The following WWOX variants were observed in gnomAD, a reference collection of about 807,000 sequenced individuals.
WWOX encodes WW domain-containing oxidoreductase.
Under a neutral mutation model 46.2 loss-of-function variants are expected in WWOX, and 69 were observed. The ratio of observed to expected loss-of-function variants is 1.49; its 90% CI spans 1.23 to 1.82. The LOEUF (loss-of-function observed/expected upper bound fraction) is 1.82. WWOX is among the 40% of genes most tolerant of loss of function. The probability of loss-of-function intolerance (pLI) is 0.00; values close to 1 mark genes in which losing one functional copy is unlikely to be tolerated. For synonymous variants in WWOX, 359 were observed against 202.6 expected, an observed-to-expected ratio of 1.77 and a Z score of -6.56; for missense variants, 919 against 542.6, an observed-to-expected ratio of 1.69 and a Z score of -6.89.
intron 8 of WWOX, among the ~76,000 whole-genome samples, chr16:79,107,361 G>C (rs990310758): frequency 1.1e-4 from 16 of 152,092 alleles, no homozygotes; most frequent in African/African-American, 3.6e-4. Context: ...GTGCTGGGAT[G>C]ACAGGCACGA....
At chr16:78,516,122 C>T (rs1235150981) in intron 8 of WWOX, among the ~76,000 whole-genome samples, 5 of 152,108 alleles carry the variant, frequency 3.3e-5, no homozygotes, top group South Asian at 2.1e-4. Flanking sequence ...TAGTTCTTGG[C>T]GTGCCCCTTT....
Position 78,343,558 on chromosome 16 carries a change from T to A in WWOX, c.517-43302T>A, listed in dbSNP as rs560838876. Among the ~76,000 whole-genome samples the A allele has an allele frequency of 9.1e-5, 11 of 121,154 alleles. No homozygotes were observed. The East Asian group carries it at 1.9e-3, about 21-fold the overall frequency. The allele number at this position is 121,154 out of a possible 152,430, so 79.5% of individuals were successfully genotyped here. A position where few individuals can be genotyped will look rare whatever the true frequency, so the allele number is the denominator to read the frequency against. ...GGCACAGCCCCCCTTGAGTCTTCAT[T>A]ATGGCAAATCTAGTGCAGGTGCTGA... is the stretch of plus-strand genomic sequence containing the variant. On this transcript the variant is annotated intron_variant, in intron 5 of 8. Transcript: ENST00000566780.
At chr16:78,526,827 G>T (rs558404391) in intron 8 of WWOX, among the ~76,000 whole-genome samples, 1 of 152,170 alleles carries the variant, frequency 6.6e-6, no homozygotes, top group African/African-American at 2.4e-5. Flanking sequence ...CTTGAGGGGG[G>T]TCTGGGAGGG....
At chr16:78,892,526 G>A (rs1302254035) in intron 8 of WWOX, among the ~76,000 whole-genome samples, 1 of 152,198 alleles carries the variant, frequency 6.6e-6, no homozygotes, top group Non-Finnish European at 1.5e-5. Context: ...CAAGAAGTGG[G>A]AGCTGGACGA....
At chr16:78,858,619 G>A (rs2052626305) in intron 8 of WWOX, among the ~76,000 whole-genome samples, 1 of 152,000 alleles carries the variant, frequency 6.6e-6, no homozygotes, top group African/African-American at 2.4e-5. Flanking sequence ...AGAAGGCTTT[G>A]AGGAGGGAAT....
At chr16:78,804,418 A>G (rs1463604235) in intron 8 of WWOX, among the ~76,000 whole-genome samples, 4 of 143,194 alleles carry the variant, frequency 2.8e-5, no homozygotes, top group African/African-American at 7.6e-5. Flanking sequence ...CAGCCAAATT[A>G]AAAAAAAAAA....
At chr16:78,920,557 C>T (rs1041432838) in intron 8 of WWOX, among the ~76,000 whole-genome samples, 12 of 152,110 alleles carry the variant, frequency 7.9e-5, no homozygotes, top group Admixed American at 5.9e-4. Context: ...TTCCAAGTTC[C>T]CTGCCCTTGT....
chr16:78,909,244 C>T (rs1031666985), intron 8 of WWOX, among the ~76,000 whole-genome samples: 3 of 152,078 alleles, frequency 2.0e-5, no homozygotes, highest in Non-Finnish European at 2.9e-5. Context: ...CCTTGTGCCA[C>T]GTGATTATTT....
At chr16:78,610,087 C>A (rs1484735146) in intron 8 of WWOX, among the ~76,000 whole-genome samples, 2 of 151,632 alleles carry the variant, frequency 1.3e-5, no homozygotes, top group African/African-American at 4.8e-5. Flanking sequence ...AGCAAGGTTT[C>A]TTTGCTGGTC....
At chr16:79,176,157 T>G (rs1022545418) in intron 8 of WWOX, among the ~76,000 whole-genome samples, 11 of 152,150 alleles carry the variant, frequency 7.2e-5, no homozygotes, top group African/African-American at 2.4e-4. Flanking sequence ...CAGTAAGAAA[T>G]AGCCCCCAAA....
At chr16:78,157,291 T>C (rs1026078250) in intron 4 of WWOX, among the ~76,000 whole-genome samples, 1 of 152,154 alleles carries the variant, frequency 6.6e-6, no homozygotes, top group African/African-American at 2.4e-5. Context: ...GGCAGATCAG[T>C]CAGCAAGACT....
At chr16:78,847,499 T>C (rs575275756) in intron 8 of WWOX, among the ~76,000 whole-genome samples, 1 of 152,158 alleles carries the variant, frequency 6.6e-6, no homozygotes, top group Non-Finnish European at 1.5e-5. Flanking sequence ...CTTGTTTCTT[T>C]GTTTTTTTCT....
chr16:78,381,788 T>A (rs1181223756), intron 5 of WWOX, among the ~76,000 whole-genome samples: 1 of 152,100 alleles, frequency 6.6e-6, no homozygotes, highest in African/African-American at 2.4e-5. Context: ...GGTGGGAAGA[T>A]AAATGGATAG....
chr16:78,997,887 T>C (rs1426933275), intron 8 of WWOX, among the ~76,000 whole-genome samples: 2 of 152,126 alleles, frequency 1.3e-5, no homozygotes, highest in Admixed American at 6.6e-5. Flanking sequence ...ATTCTTTCTT[T>C]TTTTTTTAGA....
chr16:78,762,947 C>A (rs2049829372), intron 8 of WWOX, among the ~76,000 whole-genome samples: 1 of 152,182 alleles, frequency 6.6e-6, no homozygotes, highest in Non-Finnish European at 1.5e-5. Context: ...AAACAACAAT[C>A]ACAACAAAAG....
intron 8 of WWOX, among the ~76,000 whole-genome samples, chr16:78,916,150 A>C (rs867416300): frequency 4.6e-5 from 7 of 152,150 alleles, no homozygotes; most frequent in Admixed American, 3.9e-4. Flanking sequence ...TGATAAAACA[A>C]TGCTCTCAGC....
chr16:78,606,953 G>A (rs1003662930), intron 8 of WWOX, among the ~76,000 whole-genome samples: 1 of 151,988 alleles, frequency 6.6e-6, no homozygotes, highest in Non-Finnish European at 1.5e-5. Flanking sequence ...TATGTCCAAT[G>A]ATCATTTTTG....
chr16:78,683,560 A>G (rs953440709), intron 8 of WWOX, among the ~76,000 whole-genome samples: 2 of 84,972 alleles, frequency 2.4e-5, no homozygotes, highest in African/African-American at 3.2e-5. Context: ...AATAAAAATA[A>G]TAAAAAAAAA....
At chr16:78,908,572 G>T (rs562921370) in intron 8 of WWOX, among the ~76,000 whole-genome samples, 1 of 151,854 alleles carries the variant, frequency 6.6e-6, no homozygotes, top group Non-Finnish European at 1.5e-5. Context: ...TTCATGCAGA[G>T]CTGGCTGTGT....
Sources: allele counts gnomAD v4.1 joint callset (sites outside exome capture counted in the v4.1 genomes callset), GRCh38; gene constraint gnomAD v4.1.1; transcripts MANE v1.5; gene names NCBI Gene and HGNC (gene_info 2026-07-23, HGNC 2026-07-21).